Variants in AFF1 observed in about 807,000 individuals in gnomAD.
AFF1 encodes AF4/FMR2 family member 1.
AFF1 carries 48 observed loss-of-function variants against 121.7 expected under a neutral mutation model. The ratio of observed to expected loss-of-function variants is 0.39; its 90% confidence interval spans 0.31 to 0.50. The LOEUF is 0.50. Ranked by LOEUF, AFF1 falls within the 20% of genes least tolerant of loss-of-function variation. The pLI is 0.76. For synonymous variants in AFF1, 613 were observed against 563.0 expected (o/e 1.09, Z -1.26); for missense variants, 1,523 against 1,511.7 (o/e 1.01, Z -0.12).
Position 86,986,040 on chromosome 4 carries a change from CAATTTAATTT to C in AFF1, c.38+37503_38+37512del, listed in dbSNP as rs60227626. Among the ~76,000 whole-genome samples, 38 of 135,616 alleles carry C rather than the reference CAATTTAATTT, an allele frequency of 2.8e-4. No individual in the cohort carries two copies. In the South Asian group the frequency reaches 4.0e-3, roughly 14 times the overall value. 89.0% of individuals were successfully genotyped at this position (135,616 alleles called of 152,430 possible). Reference sequence around the variant, plus strand: ...CCTTTTTTTAAAATTTAATTCAATTCAATTTAATTTAATTTAATTTAATTTAATTTAATTT... The same window carrying C: ...CCTTTTTTTAAAATTTAATTCAATTCAATTTAATTTAATTTAATTTAATTT... On this transcript the variant is annotated intron_variant, in intron 2 of 20. Coordinates refer to ENST00000395146, the MANE Select transcript of AFF1 (RefSeq NM_001166693.3).
intron 2 of AFF1, among the ~76,000 whole-genome samples, chr4:86,995,059 G>C (rs1372001591): frequency 6.6e-6 from 1 of 152,020 alleles, no homozygotes; most frequent in African/African-American, 2.4e-5. Context: ...TAGGCAACAT[G>C]GTAAAACCTA....
intron 2 of AFF1, among the ~76,000 whole-genome samples, chr4:86,969,021 A>G (rs1722731212): frequency 6.6e-6 from 1 of 152,154 alleles, no homozygotes; most frequent in African/African-American, 2.4e-5. Context: ...GGAGCAGAAG[A>G]TTGTGTTCAT....
rs568683349 is a variant in AFF1, at chr4:87,070,552, A to T, written c.1060-13568A>T. ...AAACTGAAAATATTGGCAGCTTCTCAGCCTAAATATGATGTATGTGTGCGT... is the reference window on the plus strand; with the variant it reads ...AAACTGAAAATATTGGCAGCTTCTCTGCCTAAATATGATGTATGTGTGCGT... On this transcript the variant is annotated intron_variant, in intron 4 of 20. Transcript: ENST00000395146. Among the ~76,000 whole-genome samples the T allele has an allele frequency of 7.2e-5, 11 of 152,378 alleles. 1 individual carries two copies. In the East Asian group the frequency reaches 2.1e-3, roughly 29 times the overall value.
At chr4:86,997,905 T>G (rs1725344274) in intron 2 of AFF1, among the ~76,000 whole-genome samples, 1 of 152,136 alleles carries the variant, frequency 6.6e-6, no homozygotes, top group African/African-American at 2.4e-5. Context: ...CAGACCAGCC[T>G]GGCCAACATG....
intron 4 of AFF1, among the ~76,000 whole-genome samples, chr4:87,060,768 G>A (rs1422952774): frequency 2.7e-5 from 4 of 147,756 alleles, no homozygotes; most frequent in African/African-American, 9.9e-5. Flanking sequence ...GAACCTGGGA[G>A]GCGGAGGTTG....
At chr4:87,100,360 A>G (rs1725306858) in intron 8 of AFF1, among the ~76,000 whole-genome samples, 1 of 152,030 alleles carries the variant, frequency 6.6e-6, no homozygotes, top group Non-Finnish European at 1.5e-5. Context: ...TCCCTGACAC[A>G]CATGTCCATT....
intron 12 of AFF1, among the ~76,000 whole-genome samples, chr4:87,117,388 G>A (rs1252229369): frequency 6.6e-6 from 1 of 152,176 alleles, no homozygotes; most frequent in Non-Finnish European, 1.5e-5. Context: ...GTCTGCCTCC[G>A]TGGTACTGTC....
chr4:86,985,175 GT>G, intron 2 of AFF1, among the ~76,000 whole-genome samples: 1 of 73,804 alleles, frequency 1.4e-5, no homozygotes, highest in African/African-American at 7.6e-5. Context: ...TATATAATAT[GT>G]ATTACTATAT....
chr4:87,061,601 A>G (rs1354439712), intron 4 of AFF1, among the ~76,000 whole-genome samples: 1 of 152,220 alleles, frequency 6.6e-6, no homozygotes, highest in African/African-American at 2.4e-5. Flanking sequence ...AAATGGGAAG[A>G]ATTGGCAACA....
At position 87,040,579 on chromosome 4, in the gene AFF1, T is replaced by A. The variant is rs1578126348; in HGVS notation, c.39-5587T>A. 8.7e-5 allele frequency among the ~76,000 whole-genome samples: 13 copies of A among 149,956 alleles called. No individual in the cohort carries two copies. The South Asian group carries it at 2.3e-3, about 27-fold the overall frequency. ...TCCCCTCACCCTTTTTTTTTTTTTT[T>A]AATTGAGACAGACTTTGACACTTGT... On this transcript the variant is annotated intron_variant, in intron 2 of 20. Coordinates refer to ENST00000395146, the MANE Select transcript of AFF1 (RefSeq NM_001166693.3).
chr4:87,046,548 G>A (rs1730710633), intron 3 of AFF1, 147 bp from the exon 4 acceptor site: 3 of 973,052 alleles, frequency 3.1e-6, no homozygotes, highest in Non-Finnish European at 4.5e-6. Flanking sequence ...CTTCTCAACA[G>A]GGGAATTGAG....
intron 2 of AFF1, among the ~76,000 whole-genome samples, chr4:86,988,798 C>G (rs1724487159): frequency 6.6e-6 from 1 of 152,136 alleles, no homozygotes; most frequent in South Asian, 2.1e-4. Context: ...TACTACAAGG[C>G]TACGGTAACC....
At chr4:87,040,209 CTGAA>C in intron 2 of AFF1, among the ~76,000 whole-genome samples, 2 of 152,204 alleles carry the variant, frequency 1.3e-5, no homozygotes, top group African/African-American at 4.8e-5. Context: ...GTTTTTATAA[CTGAA>C]AGAGCAGCTT....
chr4:87,108,884 A>G (rs559383836), intron 11 of AFF1, among the ~76,000 whole-genome samples: 10 of 152,318 alleles, frequency 6.6e-5, no homozygotes, highest in Admixed American at 5.9e-4. Flanking sequence ...AACAGGGACG[A>G]TGGTGTTTGC....
chr4:87,066,944 C>T (rs959164706), intron 4 of AFF1, among the ~76,000 whole-genome samples: 1 of 152,204 alleles, frequency 6.6e-6, no homozygotes, highest in African/African-American at 2.4e-5. Context: ...AGGTCAAGTA[C>T]ACGACGGCTT....
intron 4 of AFF1, among the ~76,000 whole-genome samples, chr4:87,056,744 A>T (rs528027252): frequency 2.0e-5 from 3 of 152,370 alleles, no homozygotes; most frequent in South Asian, 4.1e-4. Context: ...TTATTATGAC[A>T]TAGCATAAAA....
At chr4:87,017,746 A>G (rs1235448749) in intron 2 of AFF1, among the ~76,000 whole-genome samples, 2 of 152,196 alleles carry the variant, frequency 1.3e-5, no homozygotes, top group African/African-American at 4.8e-5. Flanking sequence ...TCTGGAAATT[A>G]TCGTTCAGAC....
intron 5 of AFF1, 52 bp downstream of exon 5, chr4:87,084,216 C>T (rs369318915): frequency 2.1e-5 from 33 of 1,557,840 alleles, no homozygotes; most frequent in Non-Finnish European, 2.4e-5. Flanking sequence ...AGTAGGTAGG[C>T]GTACATCCAT....
rs1034160289 is a variant in AFF1, at chr4:87,136,439, G to A, written c.*738G>A. 4.3e-6 allele frequency: 1 copy of A among 232,670 alleles called. No individual in the cohort carries two copies. Among genetic ancestry groups the A allele is most frequent in the Non-Finnish European group, 8.5e-6 (1 of 117,770 alleles). 14.4% of individuals were successfully genotyped at this position (232,670 alleles called of 1,614,324 possible). A position where few individuals can be genotyped will look rare whatever the true frequency, so the allele number is the denominator to read the frequency against. ...GCCCACGTCGGAGCGGTGAGGAGGA[G>A]CCACAGCACATGGGGTGCCACCTCG... On this transcript the variant is annotated 3_prime_UTR_variant, in exon 21 of 21. Transcript: ENST00000395146.
Sources: allele counts gnomAD v4.1 joint callset (sites outside exome capture counted in the v4.1 genomes callset), GRCh38; gene constraint gnomAD v4.1.1; transcripts MANE v1.5; gene names NCBI Gene and HGNC (gene_info 2026-07-23, HGNC 2026-07-21).